PROSER2: variants seen among roughly 807,000 people sequenced by gnomAD.
PROSER2 encodes proline and serine-rich protein 2.
A neutral mutation model predicts 14.6 loss-of-function variants in PROSER2; 18 were observed. The observed-to-expected ratio is 1.23, with a 90% confidence interval of 0.85 to 1.83. The LOEUF (loss-of-function observed/expected upper bound fraction) is 1.83. PROSER2 is among the 40% of genes most tolerant of loss of function. The pLI, the probability that PROSER2 is intolerant of heterozygous loss-of-function variation, is 0.00. For synonymous variants in PROSER2, 367 were observed against 286.4 expected (o/e 1.28, Z -2.84); for missense variants, 823 against 629.8 (o/e 1.31, Z -3.28).
At chr10:11,859,192 CG>C (rs1834187299) in intron 2 of PROSER2, among the ~76,000 whole-genome samples, 1 of 151,610 alleles carries the variant, frequency 6.6e-6, no homozygotes, top group Non-Finnish European at 1.5e-5. Flanking sequence ...GAGGCTGAGG[CG>C]GGTAGATCAT....
chr10:11,866,822 CT>C lies in PROSER2; in HGVS notation c.391+40del, dbSNP rs1834358369. 1.3e-6 allele frequency: 2 copies of C among 1,589,426 alleles called. No individual in the cohort carries two copies. The highest frequency in any genetic ancestry group is 1.7e-6 in the Non-Finnish European group (2 of 1,171,086). ...CAGGCCATCCCTGGGATGTGGTTTC[CT>C]GGTGTCTGTGAGACCCAGAGATACT... On this transcript the variant is annotated intron_variant, in intron 3 of 3. Transcript: ENST00000277570. This position sits in a 1 kb window ranked among gnomAD's most constrained non-coding sequence, Gnocchi z 6.0.
chr10:11,850,255 T>C (rs2131068641), intron 1 of PROSER2: 1 of 152,316 alleles, frequency 6.6e-6, no homozygotes, highest in Non-Finnish European at 1.5e-5. Flanking sequence ...CATGGCTCAT[T>C]TGTGTGACAA....
chr10:11,870,261 A>C lies in PROSER2; in HGVS notation c.1163A>C (p.Gln388Pro). ...RARQSFPGPR[Q>P]PNGAQDWRRA... is the part of the protein sequence containing the mutation. ...CGTCAGAGCTTCCCCGGGCCCCGGC[A>C]GCCCAACGGCGCCCAGGACTGGCGC... The change falls in exon 4 of 4, where the codon CAG (glutamine) becomes CCG (proline). Residue 388 changes from glutamine to proline, a missense_variant. Coordinates refer to ENST00000277570, the MANE Select transcript of PROSER2 (RefSeq NM_153256.4). The C allele has an allele frequency of 6.7e-7, 1 of 1,487,462 alleles. No homozygotes were observed. The highest frequency in any genetic ancestry group is 1.3e-5 in the South Asian group (1 of 79,634). The allele number at this position is 1,487,462 out of a possible 1,614,324, so 92.1% of individuals were successfully genotyped here. A position where few individuals can be genotyped will look rare whatever the true frequency, so the allele number is the denominator to read the frequency against.
At chr10:11,828,635 G>A (rs1422804201) in intron 1 of PROSER2, among the ~76,000 whole-genome samples, 3 of 152,112 alleles carry the variant, frequency 2.0e-5, no homozygotes, top group East Asian at 3.9e-4. Context: ...CTCAGGAGGC[G>A]AAGGTTGTAG....
chr10:11,848,690 G>A (rs1206065674), intron 1 of PROSER2, among the ~76,000 whole-genome samples: 3 of 152,128 alleles, frequency 2.0e-5, no homozygotes, highest in African/African-American at 7.2e-5. Flanking sequence ...TTTTACTGAG[G>A]TCCAGCTGAC....
At chr10:11,839,142 T>C (rs774390599) in intron 1 of PROSER2, among the ~76,000 whole-genome samples, 18 of 152,190 alleles carry the variant, frequency 1.2e-4, no homozygotes, top group Non-Finnish European at 2.4e-4. Flanking sequence ...GGTCCTTCAG[T>C]ACTTGGCACT....
rs1376852014 is a variant in PROSER2, at chr10:11,865,771, TCA to T, written c.139-758_139-757del. On this transcript the variant is annotated intron_variant, in intron 2 of 3. Transcript: ENST00000277570. The surrounding 1 kb of genome is among the most constrained non-coding windows in gnomAD (Gnocchi z 4.2). ...GTGGCCCCACTTCAGGGTTCCTCTGTCACCTTTTTCGAGAGTAACTGGCGAGT... is the reference window on the plus strand; with the variant it reads ...GTGGCCCCACTTCAGGGTTCCTCTGTCCTTTTTCGAGAGTAACTGGCGAGT... Among the ~76,000 whole-genome samples, 1 of 152,218 alleles carries T rather than the reference TCA, an allele frequency of 6.6e-6. No homozygotes were observed. The highest frequency in any genetic ancestry group is 1.5e-5 in the Non-Finnish European group (1 of 68,038).
At chr10:11,842,921 T>G (rs1207553646) in intron 1 of PROSER2, among the ~76,000 whole-genome samples, 1 of 143,922 alleles carries the variant, frequency 6.9e-6, no homozygotes, top group Non-Finnish European at 1.5e-5. Context: ...TATACTATTT[T>G]GCCATTGTTC....
intron 1 of PROSER2, chr10:11,850,705 G>A (rs1834002872): frequency 6.6e-6 from 1 of 152,230 alleles, no homozygotes; most frequent in Admixed American, 6.5e-5. Flanking sequence ...TTACAGAGAT[G>A]TCTGTAAGGT....
In PROSER2 at chr10:11,865,029, G is replaced by A. The variant is rs1834318732; in HGVS notation, c.139-1502G>A. 6.6e-6 allele frequency among the ~76,000 whole-genome samples: 1 copy of A among 152,078 alleles called. No homozygotes were observed. The highest frequency in any genetic ancestry group is 2.4e-5 in the African/African-American group (1 of 41,410). Reference sequence around the variant, plus strand: ...CTGTTTGATTTTTATTCATTAGGTTGTACACTAAGGACCCCTTTCAGTTTG... The same window carrying A: ...CTGTTTGATTTTTATTCATTAGGTTATACACTAAGGACCCCTTTCAGTTTG... On this transcript the variant is annotated intron_variant, in intron 2 of 3. Coordinates refer to ENST00000277570, the MANE Select transcript of PROSER2 (RefSeq NM_153256.4). The surrounding 1 kb of genome is among the most constrained non-coding windows in gnomAD (Gnocchi z 4.2).
In PROSER2 at chr10:11,870,452, A is replaced by T; in HGVS notation, c.*46A>T. The T allele has an allele frequency of 7.4e-7, 1 of 1,356,064 alleles. No individual in the cohort carries two copies. Among genetic ancestry groups the T allele is most frequent in the Admixed American group, 3.6e-5 (1 of 28,056 alleles). 84.0% of individuals were successfully genotyped at this position (1,356,064 alleles called of 1,614,324 possible). Reference sequence around the variant, plus strand: ...CACCCCGTTTCTCCCCACCCTGAAGAGAGGGTGAAAGAGTCGCTGCACCCA... The same window carrying T: ...CACCCCGTTTCTCCCCACCCTGAAGTGAGGGTGAAAGAGTCGCTGCACCCA... On this transcript the variant is annotated 3_prime_UTR_variant, in exon 4 of 4. Coordinates refer to ENST00000277570, the MANE Select transcript of PROSER2 (RefSeq NM_153256.4).
intron 2 of PROSER2, among the ~76,000 whole-genome samples, chr10:11,858,090 A>G (rs572695048): frequency 7.6e-4 from 115 of 152,046 alleles, no homozygotes; most frequent in Non-Finnish European, 1.5e-3. Context: ...GGGTGCTACC[A>G]CGCCTGGCTA....
At chr10:11,831,324 A>T (rs747912702) in intron 1 of PROSER2, among the ~76,000 whole-genome samples, 1 of 152,234 alleles carries the variant, frequency 6.6e-6, no homozygotes, top group Admixed American at 6.5e-5. Flanking sequence ...TTAGTGAAGC[A>T]CATATTGGGT....
chr10:11,869,757 G>A lies in PROSER2; in HGVS notation c.659G>A (p.Gly220Asp). The part of the protein sequence containing the change: ...ALSPTSPFRE[G>D]RPGEWRTPAA... ...TCGCCCACCTCCCCGTTCAGGGAGG[G>A]CCGGCCCGGGGAGTGGAGGACACCT... is the stretch of plus-strand genomic sequence containing the variant. The change falls in exon 4 of 4, where the codon GGC becomes GAC. Residue 220 changes from glycine to aspartate, a missense_variant. Physicochemically the swap from Gly to Asp is moderately conservative, Grantham distance 94. Transcript: ENST00000277570. The surrounding 1 kb of genome is among the most constrained non-coding windows in gnomAD (Gnocchi z 4.4). 6.4e-7 allele frequency: 1 copy of A among 1,574,520 alleles called. No homozygotes were observed. The highest frequency in any genetic ancestry group is 8.6e-7 in the Non-Finnish European group (1 of 1,161,710).
chr10:11,826,738 G>A (rs983348925), intron 1 of PROSER2, among the ~76,000 whole-genome samples: 7 of 151,810 alleles, frequency 4.6e-5, no homozygotes, highest in Non-Finnish European at 8.8e-5. Flanking sequence ...CCACCACCAC[G>A]CCGGGCTAAT....
Position 11,835,864 on chromosome 10 carries a change from G to A in PROSER2, c.-82+12394G>A, listed in dbSNP as rs185323893. On this transcript the variant is annotated intron_variant, in intron 1 of 3. Coordinates refer to ENST00000277570, the MANE Select transcript of PROSER2 (RefSeq NM_153256.4). Reference sequence around the variant, plus strand: ...TTACTGATCTTTATTTTCACCCACCGCTTCCCCATATGAAGAAGCCCACTC... The same window carrying A: ...TTACTGATCTTTATTTTCACCCACCACTTCCCCATATGAAGAAGCCCACTC... Among the ~76,000 whole-genome samples, 559 of 152,164 alleles carry A rather than the reference G, an allele frequency of 3.7e-3. 5 individuals carry two copies. Among genetic ancestry groups the A allele is most frequent in the East Asian group, 0.01 (54 of 5,176 alleles).
rs991067732 is a variant in PROSER2, at chr10:11,871,400, A to G, written c.*994A>G. 6.6e-6 allele frequency: 1 copy of G among 152,256 alleles called. No homozygotes were observed. The highest frequency in any genetic ancestry group is 1.5e-5 in the Non-Finnish European group (1 of 68,046). The allele number at this position is 152,256 out of a possible 1,614,324, so 9.4% of individuals were successfully genotyped here. A position where few individuals can be genotyped will look rare whatever the true frequency, so the allele number is the denominator to read the frequency against. On this transcript the variant is annotated 3_prime_UTR_variant, in exon 4 of 4. Coordinates refer to ENST00000277570, the MANE Select transcript of PROSER2 (RefSeq NM_153256.4). Reference sequence around the variant, plus strand: ...TTCCTCTGTTCCCAGTTAAAGTAATATTCCCTGCTTCCAAGTAAGCAAGAC... The same window carrying G: ...TTCCTCTGTTCCCAGTTAAAGTAATGTTCCCTGCTTCCAAGTAAGCAAGAC...
At chr10:11,864,398 T>C (rs972569448) in intron 2 of PROSER2, among the ~76,000 whole-genome samples, 6 of 152,188 alleles carry the variant, frequency 3.9e-5, no homozygotes, top group African/African-American at 1.4e-4. Flanking sequence ...CACCAATTTT[T>C]AAATTTTTTC....
chr10:11,869,869 C>A lies in PROSER2; in HGVS notation c.771C>A (p.Ile257=). The stretch of plus-strand genomic sequence containing the variant: ...AGGCACCCCGCTTCCCCAGCAACAT[C>A]ATCGTCACCAACGGCGCGGCCCGGG... ...QPKAPRFPSN[I]IVTNGAAREP... Residue 257 remains isoleucine (I), a synonymous_variant, in exon 4 of 4, where the codon ATC becomes ATA. Coordinates refer to ENST00000277570, the MANE Select transcript of PROSER2 (RefSeq NM_153256.4). This position sits in a 1 kb window ranked among gnomAD's most constrained non-coding sequence, Gnocchi z 4.4. The A allele has an allele frequency of 6.3e-7, 1 of 1,594,726 alleles. No homozygotes were observed. Among genetic ancestry groups the A allele is most frequent in the Non-Finnish European group, 8.5e-7 (1 of 1,172,722 alleles).
Sources: allele counts gnomAD v4.1 joint callset (sites outside exome capture counted in the v4.1 genomes callset), GRCh38; gene constraint gnomAD v4.1.1; non-coding constraint Gnocchi (gnomAD v3.1); transcripts MANE v1.5; gene names NCBI Gene and HGNC (gene_info 2026-07-23, HGNC 2026-07-21).